The following ZNF804B variants were observed in gnomAD, a reference collection of about 807,000 sequenced individuals.
The protein encoded by ZNF804B is zinc finger 804B.
Under a neutral mutation model 101.4 loss-of-function variants are expected in ZNF804B, and 80 were observed. The observed-to-expected ratio is 0.79, with a 90% CI of 0.66 to 0.95. The LOEUF (loss-of-function observed/expected upper bound fraction) is 0.95. Ranked by LOEUF, ZNF804B falls within the 40% of genes least tolerant of loss-of-function variation. ZNF804B has a pLI of 0.00. For synonymous variants in ZNF804B, 622 were observed against 558.8 expected (o/e 1.11, Z -1.59); for missense variants, 1,673 against 1,561.9 (o/e 1.07, Z -1.20).
intron 1 of ZNF804B, among the ~76,000 whole-genome samples, chr7:89,067,129 A>G (rs984151882): frequency 6.6e-6 from 1 of 152,166 alleles, no homozygotes; most frequent in Non-Finnish European, 1.5e-5. Flanking sequence ...CGATCAATCT[A>G]TCTGTCTACC....
chr7:88,934,543 C>T (rs759994787), intron 1 of ZNF804B, among the ~76,000 whole-genome samples: 8 of 151,320 alleles, frequency 5.3e-5, no homozygotes, highest in South Asian at 2.1e-4. Context: ...GAACTCAAAT[C>T]GGCAAGAAAA....
chr7:89,177,449 G>T (rs553716994), intron 1 of ZNF804B, among the ~76,000 whole-genome samples: 73 of 152,172 alleles, frequency 4.8e-4, no homozygotes, highest in Non-Finnish European at 9.6e-4. Context: ...TTACTGATTT[G>T]TAGTTTTATT....
intron 1 of ZNF804B, among the ~76,000 whole-genome samples, chr7:89,023,286 T>G (rs915425069): frequency 6.6e-6 from 1 of 152,106 alleles, no homozygotes; most frequent in Non-Finnish European, 1.5e-5. Flanking sequence ...TTTGTTCAAA[T>G]TCCCCACTGA....
intron 1 of ZNF804B, among the ~76,000 whole-genome samples, chr7:89,146,250 A>G (rs777155807): frequency 5.1e-4 from 77 of 152,196 alleles, no homozygotes; most frequent in Non-Finnish European, 1.0e-3. Context: ...GCTTAAGCCC[A>G]TTTTGTAGGA....
chr7:88,947,088 AT>A (rs1793145376), intron 1 of ZNF804B, among the ~76,000 whole-genome samples: 1 of 152,126 alleles, frequency 6.6e-6, no homozygotes, highest in South Asian at 2.1e-4. Context: ...TAGTTAAACC[AT>A]TGTGGAAGAC....
At chr7:89,076,885 C>T (rs1397712414) in intron 1 of ZNF804B, among the ~76,000 whole-genome samples, 2 of 152,088 alleles carry the variant, frequency 1.3e-5, no homozygotes, top group Non-Finnish European at 2.9e-5. Flanking sequence ...ACAATTAAAG[C>T]ACTGCTGGGG....
At chr7:88,865,228 CAAAA>C (rs10706264) in intron 1 of ZNF804B, among the ~76,000 whole-genome samples, 5 of 115,806 alleles carry the variant, frequency 4.3e-5, no homozygotes, top group African/African-American at 9.1e-5. Flanking sequence ...GACTTCGTAT[CAAAA>C]AAAAAAAAAA....
At chr7:88,779,537 T>C (rs1562791279) in intron 1 of ZNF804B, among the ~76,000 whole-genome samples, 1 of 152,206 alleles carries the variant, frequency 6.6e-6, no homozygotes, top group East Asian at 1.9e-4. Flanking sequence ...ATGCCAGACA[T>C]ACGGTGCTAA....
chr7:88,976,328 G>C (rs547739318), intron 1 of ZNF804B, among the ~76,000 whole-genome samples: 1 of 151,406 alleles, frequency 6.6e-6, no homozygotes, highest in Non-Finnish European at 1.5e-5. Context: ...TGAATTTGTA[G>C]ATTTCTTTGG....
chr7:88,892,384 T>C (rs1792226663), intron 1 of ZNF804B, among the ~76,000 whole-genome samples: 1 of 152,148 alleles, frequency 6.6e-6, no homozygotes, highest in Non-Finnish European at 1.5e-5. Context: ...CTCTAACTTG[T>C]AGAAAATAGT....
intron 1 of ZNF804B, among the ~76,000 whole-genome samples, chr7:88,831,734 C>T (rs1367109575): frequency 6.6e-6 from 1 of 151,742 alleles, no homozygotes; most frequent in Non-Finnish European, 1.5e-5. Context: ...TTTATAATCA[C>T]ATTTATTAGA....
At position 88,854,537 on chromosome 7, in the gene ZNF804B, T is replaced by TCCCTTCCCTTC. The variant is rs1554340264; in HGVS notation, c.108+94455_108+94456insCTTCCCTTCCC. Among the ~76,000 whole-genome samples, 5 of 95,184 alleles carry TCCCTTCCCTTC rather than the reference T, an allele frequency of 5.3e-5. No individual in the cohort carries two copies. In the East Asian group the frequency reaches 1.4e-3, roughly 27 times the overall value. 62.4% of individuals were successfully genotyped at this position (95,184 alleles called of 152,430 possible). ...CTTTCCTTTCCTTCCTTTCCTTCCT[T>TCCCTTCCCTTC]CCTTCCTTCCTTCCTTCCTTCCTTC... On this transcript the variant is annotated intron_variant, in intron 1 of 3. Transcript: ENST00000333190.
At chr7:88,973,549 G>A (rs568480838) in intron 1 of ZNF804B, among the ~76,000 whole-genome samples, 40 of 134,734 alleles carry the variant, frequency 3.0e-4, no homozygotes, top group Non-Finnish European at 4.0e-4. Flanking sequence ...AGAACACTTC[G>A]AAGTATAATC....
chr7:89,327,981 A>G (rs1312338522), intron 3 of ZNF804B, among the ~76,000 whole-genome samples: 1 of 151,996 alleles, frequency 6.6e-6, no homozygotes, highest in Non-Finnish European at 1.5e-5. Flanking sequence ...CAAGTTTTAT[A>G]CTAATACATT....
chr7:88,781,663 C>T (rs1447099418), intron 1 of ZNF804B, among the ~76,000 whole-genome samples: 1 of 152,054 alleles, frequency 6.6e-6, no homozygotes, highest in Non-Finnish European at 1.5e-5. Flanking sequence ...TGTACTCATT[C>T]AATTTACAAA....
intron 1 of ZNF804B, 126 bp from the exon 2 acceptor site, chr7:89,218,029 A>C (rs1370572724): frequency 1.1e-6 from 1 of 916,458 alleles, no homozygotes; most frequent in Non-Finnish European, 1.6e-6. Context: ...TCACAGTGTC[A>C]TGAATTCCCA....
chr7:89,080,616 C>T (rs73391251), intron 1 of ZNF804B, among the ~76,000 whole-genome samples: 4,135 of 151,926 alleles, frequency 0.027, 166 homozygotes, highest in African/African-American at 0.08. Context: ...CCATGGAAGG[C>T]GTCTCATCCA....
At chr7:89,046,168 GT>G (rs34748599) in intron 1 of ZNF804B, among the ~76,000 whole-genome samples, 10 of 151,414 alleles carry the variant, frequency 6.6e-5, no homozygotes, top group African/African-American at 4.9e-5. Flanking sequence ...GAAGAAGGGT[GT>G]TTTTTTTCCT....
At chr7:88,766,316 A>G (rs922838965) in intron 1 of ZNF804B, among the ~76,000 whole-genome samples, 1 of 152,154 alleles carries the variant, frequency 6.6e-6, no homozygotes, top group Non-Finnish European at 1.5e-5. Flanking sequence ...TGTCTCAAAA[A>G]TAAATAAATA....
Sources: allele counts gnomAD v4.1 joint callset (sites outside exome capture counted in the v4.1 genomes callset), GRCh38; gene constraint gnomAD v4.1.1; transcripts MANE v1.5; gene names NCBI Gene and HGNC (gene_info 2026-07-23, HGNC 2026-07-21).